RELN: variants seen among roughly 807,000 people sequenced by gnomAD.
RELN encodes the protein reelin.
In RELN, 108 loss-of-function variants were observed where a neutral mutation model predicts 427.6. The ratio of observed to expected loss-of-function variants is 0.25; its 90% CI spans 0.22 to 0.30. The LOEUF (loss-of-function observed/expected upper bound fraction) is 0.30, where lower values mean the gene tolerates loss of function less well. RELN is among the 10% of genes least tolerant of loss of function. The pLI is 1.00. For synonymous variants in RELN, 1,524 were observed against 1,513.4 expected (o/e 1.01, Z -0.16); for missense variants, 3,715 against 4,302.8 (o/e 0.86, Z 3.82).
intron 3 of RELN, among the ~76,000 whole-genome samples, chr7:103,784,812 C>T (rs1043008014): frequency 1.3e-5 from 2 of 152,056 alleles, no homozygotes; most frequent in African/African-American, 4.8e-5. Flanking sequence ...GTTATGTGTA[C>T]CCTAGGCACA....
At chr7:103,714,106 T>C (rs1372757100) in intron 8 of RELN, among the ~76,000 whole-genome samples, 2 of 152,184 alleles carry the variant, frequency 1.3e-5, no homozygotes, top group African/African-American at 4.8e-5. Context: ...TTAATATGTT[T>C]TTTGTTTTGT....
intron 8 of RELN, among the ~76,000 whole-genome samples, chr7:103,721,441 T>C (rs1790074831): frequency 6.6e-6 from 1 of 152,198 alleles, no homozygotes; most frequent in Non-Finnish European, 1.5e-5. Context: ...GTGCTTGCTA[T>C]GGGTTTTGAG....
At chr7:103,948,738 G>T (rs146716227) in intron 1 of RELN, among the ~76,000 whole-genome samples, 1 of 152,162 alleles carries the variant, frequency 6.6e-6, no homozygotes, top group South Asian at 2.1e-4. Flanking sequence ...TTCAAGCCAC[G>T]CAACACGGTT....
intron 3 of RELN, among the ~76,000 whole-genome samples, chr7:103,814,045 G>T (rs1792810231): frequency 6.6e-6 from 1 of 152,044 alleles, no homozygotes; most frequent in African/African-American, 2.4e-5. Flanking sequence ...AACTTTGTGT[G>T]GTCATAGGAA....
At chr7:103,746,020 T>C (rs1790815740) in intron 6 of RELN, among the ~76,000 whole-genome samples, 1 of 152,088 alleles carries the variant, frequency 6.6e-6, no homozygotes, top group Admixed American at 6.5e-5. Context: ...CAAACTATAC[T>C]ACAAGGCTAC....
chr7:103,604,262 T>C, intron 23 of RELN, 84 bp downstream of exon 23: 2 of 1,512,008 alleles, frequency 1.3e-6, no homozygotes, highest in South Asian at 1.1e-5. Flanking sequence ...TCTATCCATG[T>C]CACTCTGATG....
chr7:103,904,975 CTTTTTTTTTTT>C (rs67024941), intron 2 of RELN, among the ~76,000 whole-genome samples: 2 of 77,328 alleles, frequency 2.6e-5, no homozygotes, highest in Admixed American at 1.9e-4. Context: ...AAGTTCTTTC[CTTTTTTTTTTT>C]TTTTTTTTTT....
At chr7:103,981,536 C>A (rs1796990278) in intron 1 of RELN, among the ~76,000 whole-genome samples, 1 of 152,144 alleles carries the variant, frequency 6.6e-6, no homozygotes, top group Non-Finnish European at 1.5e-5. Flanking sequence ...TTATGACTGA[C>A]CTAAAAGCAA....
intron 16 of RELN, among the ~76,000 whole-genome samples, chr7:103,643,151 G>T (rs1156823765): frequency 6.6e-6 from 1 of 152,020 alleles, no homozygotes; most frequent in Non-Finnish European, 1.5e-5. Context: ...TAACAGACCT[G>T]ATTAAGACAT....
At chr7:103,926,086 AC>A (rs370850162) in intron 1 of RELN, among the ~76,000 whole-genome samples, 332 of 128,762 alleles carry the variant, frequency 2.6e-3, no homozygotes, top group African/African-American at 9.3e-3. Context: ...TAAATATATG[AC>A]CCCCACCCCG....
chr7:103,876,828 T>C (rs1276520100), intron 2 of RELN, among the ~76,000 whole-genome samples: 5 of 147,464 alleles, frequency 3.4e-5, no homozygotes, highest in African/African-American at 1.2e-4. Flanking sequence ...AAAGCACTAC[T>C]TTAGGCTTAA....
intron 19 of RELN, among the ~76,000 whole-genome samples, chr7:103,633,357 T>C (rs997497567): frequency 1.3e-5 from 2 of 152,054 alleles, no homozygotes; most frequent in South Asian, 2.1e-4. Flanking sequence ...GTATTATTTA[T>C]CATATAAAAT....
chr7:103,911,546 C>G (rs1795365977), intron 2 of RELN, among the ~76,000 whole-genome samples: 1 of 149,800 alleles, frequency 6.7e-6, no homozygotes, highest in Non-Finnish European at 1.5e-5. Flanking sequence ...TATAAAGACA[C>G]ATGCACACGT....
At chr7:103,490,101 T>C (rs1220192963) in intron 59 of RELN, among the ~76,000 whole-genome samples, 1 of 152,252 alleles carries the variant, frequency 6.6e-6, no homozygotes, top group Non-Finnish European at 1.5e-5. Flanking sequence ...TTCTGGAAGC[T>C]TGTATCTTCT....
At chr7:103,687,089 C>T (rs765821298) in intron 10 of RELN, among the ~76,000 whole-genome samples, 25 of 151,950 alleles carry the variant, frequency 1.6e-4, no homozygotes, top group African/African-American at 5.1e-4. Flanking sequence ...CTTTGTACTA[C>T]GATTTTTAAA....
chr7:103,894,300 A>G (rs1182940096), intron 2 of RELN, among the ~76,000 whole-genome samples: 5 of 152,174 alleles, frequency 3.3e-5, no homozygotes, highest in Non-Finnish European at 5.9e-5. Context: ...TGCATTAAAG[A>G]TTTTGCAGAA....
At chr7:103,983,932 G>A (rs931764058) in intron 1 of RELN, among the ~76,000 whole-genome samples, 1 of 151,550 alleles carries the variant, frequency 6.6e-6, no homozygotes, top group Admixed American at 6.6e-5. Context: ...AAAAGTACTG[G>A]TCACTCAATT....
intron 6 of RELN, among the ~76,000 whole-genome samples, chr7:103,741,757 C>T (rs1056914184): frequency 2.6e-5 from 4 of 151,590 alleles, no homozygotes; most frequent in Non-Finnish European, 4.4e-5. Flanking sequence ...ATACACTAGA[C>T]CTCTTCACAC....
rs1053614951 is a variant in RELN at position 103,874,830 on chromosome 7, C to T, written c.338-41158G>A. On this transcript the variant is annotated intron_variant, in intron 2 of 64. Coordinates refer to ENST00000428762, the MANE Select transcript of RELN (RefSeq NM_005045.4). Reference sequence around the variant, plus strand: ...GCCATCCCCATCAAGCTACCAATGACTTTCTTCACAGAATTGGAAAAAACT... The same window carrying T: ...GCCATCCCCATCAAGCTACCAATGATTTTCTTCACAGAATTGGAAAAAACT... Among the ~76,000 whole-genome samples the T allele has an allele frequency of 4.0e-3, 596 of 149,148 alleles. 5 individuals are homozygous for T. Among genetic ancestry groups the T allele is most frequent in the African/African-American group, 0.013 (553 of 41,236 alleles).
Sources: allele counts gnomAD v4.1 joint callset (sites outside exome capture counted in the v4.1 genomes callset), GRCh38; gene constraint gnomAD v4.1.1; transcripts MANE v1.5; gene names NCBI Gene and HGNC (gene_info 2026-07-23, HGNC 2026-07-21).